CELF4: variants seen among roughly 807,000 people sequenced by gnomAD.
CELF4 encodes CUG-BP- and ETR-3-like factor 4.
In CELF4, 18 loss-of-function variants were observed where a neutral mutation model predicts 59.9. The observed-to-expected ratio is 0.30, with a 90% CI of 0.21 to 0.45. CELF4 has a LOEUF of 0.45. Among genes scored for constraint, CELF4 ranks in the 20% least tolerant of loss-of-function variants. The pLI is 1.00. For synonymous variants in CELF4, 261 were observed against 267.1 expected, an observed-to-expected ratio of 0.98 and a Z score of 0.22; for missense variants, 456 against 689.0, an observed-to-expected ratio of 0.66 and a Z score of 3.79.
chr18:37,517,326 G>C (rs1020495351), intron 1 of CELF4, among the ~76,000 whole-genome samples: 2 of 152,134 alleles, frequency 1.3e-5, no homozygotes, highest in Non-Finnish European at 2.9e-5. Flanking sequence ...GGGCTTTCTG[G>C]AAGGTAATGG....
chr18:37,468,695 G>A (rs771253563), intron 2 of CELF4, among the ~76,000 whole-genome samples: 1 of 152,074 alleles, frequency 6.6e-6, no homozygotes, highest in Non-Finnish European at 1.5e-5. Context: ...CTGCATGGCT[G>A]GGGAGGCCTC....
At chr18:37,283,846 G>A (rs540643364) in intron 3 of CELF4, among the ~76,000 whole-genome samples, 11 of 94,324 alleles carry the variant, frequency 1.2e-4, no homozygotes, top group Non-Finnish European at 1.8e-4. Flanking sequence ...TGGGCACTGC[G>A]GGCCAGGGAA....
intron 2 of CELF4, among the ~76,000 whole-genome samples, chr18:37,417,866 G>A (rs1221386129): frequency 6.6e-6 from 1 of 152,150 alleles, no homozygotes; most frequent in Non-Finnish European, 1.5e-5. Context: ...ACAAAGGGGT[G>A]GGGTAAGAAA....
chr18:37,352,918 G>A (rs1190262376), intron 2 of CELF4, among the ~76,000 whole-genome samples: 1 of 152,096 alleles, frequency 6.6e-6, no homozygotes, highest in East Asian at 1.9e-4. Flanking sequence ...ACCAGAGGCT[G>A]GGAGAACAAG....
At chr18:37,525,809 T>A (rs992834671) in intron 1 of CELF4, among the ~76,000 whole-genome samples, 1 of 152,140 alleles carries the variant, frequency 6.6e-6, no homozygotes, top group African/African-American at 2.4e-5. Flanking sequence ...TCGAAAATAA[T>A]TATTAAAAAC....
chr18:37,475,913 GGAGTC>G (rs2099847535), intron 2 of CELF4, among the ~76,000 whole-genome samples: 1 of 152,154 alleles, frequency 6.6e-6, no homozygotes, highest in Non-Finnish European at 1.5e-5. Context: ...CCCACTCCAT[GGAGTC>G]CTTTCGGGGC....
chr18:37,387,762 C>T (rs980723921), intron 2 of CELF4, among the ~76,000 whole-genome samples: 3 of 152,234 alleles, frequency 2.0e-5, no homozygotes, highest in Non-Finnish European at 4.4e-5. Context: ...TCCTGCTTTC[C>T]AGTCTGACCC....
chr18:37,521,342 C>T (rs959673598), intron 1 of CELF4, among the ~76,000 whole-genome samples: 1 of 152,120 alleles, frequency 6.6e-6, no homozygotes, highest in Non-Finnish European at 1.5e-5. Flanking sequence ...CAGCCCTCCA[C>T]CCCAAGTCCC....
intron 9 of CELF4, 169 bp downstream of exon 9, chr18:37,266,364 T>G: frequency 1.4e-6 from 1 of 710,376 alleles, no homozygotes; most frequent in Non-Finnish European, 2.4e-6. Flanking sequence ...GGTGGCCCGC[T>G]GACAAGAAGG....
chr18:37,495,150 G>A (rs887093812), intron 1 of CELF4, among the ~76,000 whole-genome samples: 34 of 152,186 alleles, frequency 2.2e-4, no homozygotes, highest in African/African-American at 7.7e-4. Flanking sequence ...ACCTGGTAGG[G>A]GAGTTTAGAT....
At chr18:37,542,658 G>A (rs1344068295) in intron 1 of CELF4, among the ~76,000 whole-genome samples, 2 of 152,134 alleles carry the variant, frequency 1.3e-5, no homozygotes, top group African/African-American at 2.4e-5. Context: ...AGAGCACTTG[G>A]CATCATGCTG....
At chr18:37,430,859 A>C (rs2099644987) in intron 2 of CELF4, among the ~76,000 whole-genome samples, 1 of 152,218 alleles carries the variant, frequency 6.6e-6, no homozygotes, top group Non-Finnish European at 1.5e-5. Context: ...GATCTGGCAC[A>C]TTAGCAGGTC....
At chr18:37,354,615 T>A (rs1204349081) in intron 2 of CELF4, among the ~76,000 whole-genome samples, 2 of 152,152 alleles carry the variant, frequency 1.3e-5, no homozygotes, top group Admixed American at 1.3e-4. Flanking sequence ...TTGGAGCCCT[T>A]TGGGGTTGGG....
intron 1 of CELF4, among the ~76,000 whole-genome samples, chr18:37,546,457 G>A (rs541806531): frequency 4.7e-4 from 72 of 152,276 alleles, no homozygotes; most frequent in African/African-American, 1.6e-3. Context: ...CAGAATCCTG[G>A]TCAGACTCAG....
intron 2 of CELF4, among the ~76,000 whole-genome samples, chr18:37,454,237 G>A (rs2099771834): frequency 6.6e-6 from 1 of 152,190 alleles, no homozygotes; most frequent in Non-Finnish European, 1.5e-5. Context: ...GTAGTTTCTC[G>A]TTGCCTGAAA....
At chr18:37,474,156 T>C (rs1055419101) in intron 2 of CELF4, among the ~76,000 whole-genome samples, 1 of 152,068 alleles carries the variant, frequency 6.6e-6, no homozygotes, top group African/African-American at 2.4e-5. Flanking sequence ...AAACCCAAAG[T>C]GTTATTTGTT....
chr18:37,342,966 G>A (rs1257639638), intron 2 of CELF4, among the ~76,000 whole-genome samples: 1 of 152,160 alleles, frequency 6.6e-6, no homozygotes, highest in Non-Finnish European at 1.5e-5. Context: ...ACTGGGAGTT[G>A]CCCACTGAGC....
chr18:37,450,622 T>A (rs558590752), intron 2 of CELF4, among the ~76,000 whole-genome samples: 17 of 152,096 alleles, frequency 1.1e-4, no homozygotes, highest in African/African-American at 3.9e-4. Context: ...ATGATCTCCA[T>A]GGCTGGAATG....
intron 2 of CELF4, among the ~76,000 whole-genome samples, chr18:37,482,933 T>C (rs1205774762): frequency 6.6e-6 from 1 of 152,218 alleles, no homozygotes; most frequent in African/African-American, 2.4e-5. Flanking sequence ...AGTGCCTAAA[T>C]TGCTGAGGTT....
Sources: allele counts gnomAD v4.1 joint callset (sites outside exome capture counted in the v4.1 genomes callset), GRCh38; gene constraint gnomAD v4.1.1; transcripts MANE v1.5; gene names NCBI Gene and HGNC (gene_info 2026-07-23, HGNC 2026-07-21).